RAB12: variants seen among roughly 807,000 people sequenced by gnomAD.
The protein encoded by RAB12 is RAB12, member RAS oncogene family.
A neutral mutation model predicts 28.4 loss-of-function variants in RAB12; 11 were observed. The ratio of observed to expected loss-of-function variants is 0.39; its 90% CI spans 0.24 to 0.64. The LOEUF is 0.64. Among genes scored for constraint, RAB12 ranks in the 30% least tolerant of loss-of-function variants. The pLI, the probability that RAB12 is intolerant of heterozygous loss-of-function variation, is 0.50. For synonymous variants in RAB12, 138 were observed against 145.3 expected (o/e 0.95, Z 0.36); for missense variants, 276 against 351.1 (o/e 0.79, Z 1.71).
At chr18:8,623,190 G>T (rs1225284933) in intron 1 of RAB12, among the ~76,000 whole-genome samples, 1 of 152,172 alleles carries the variant, frequency 6.6e-6, no homozygotes, top group Non-Finnish European at 1.5e-5. Context: ...GTATTGATTG[G>T]GGAAGTGATA....
At chr18:8,633,824 C>T (rs762383697) in intron 3 of RAB12, among the ~76,000 whole-genome samples, 1 of 152,100 alleles carries the variant, frequency 6.6e-6, no homozygotes, top group Non-Finnish European at 1.5e-5. Context: ...TCCTTTGGCT[C>T]GTGATGGAAT....
intron 3 of RAB12, 21 bp from the exon 4 acceptor site, chr18:8,635,512 G>T (rs1435619528): frequency 6.4e-7 from 1 of 1,573,236 alleles, no homozygotes; most frequent in African/African-American, 1.4e-5. Flanking sequence ...TTGAAATGTG[G>T]CTTCTTTTAA....
intron 2 of RAB12, among the ~76,000 whole-genome samples, chr18:8,625,959 C>T (rs1457358376): frequency 6.6e-6 from 1 of 152,232 alleles, no homozygotes; most frequent in Non-Finnish European, 1.5e-5. Context: ...GCAGCTGCAG[C>T]CAAGCCGCAG....
rs1282486521 is a variant in RAB12, at chr18:8,639,266, G to A, written c.*1004G>A. 6 of 144,222 alleles carry A rather than the reference G, an allele frequency of 4.2e-5. No homozygotes were observed. The highest frequency in any genetic ancestry group is 1.5e-4 in the African/African-American group (6 of 39,046). 8.9% of individuals were successfully genotyped at this position (144,222 alleles called of 1,614,324 possible). On this transcript the variant is annotated 3_prime_UTR_variant, in exon 6 of 6. Coordinates refer to ENST00000649141, the MANE Select transcript of RAB12 (RefSeq NM_001025300.3). ...AACTGCACTGTTTTGTTTAGTCAAG[G>A]TAATTAAGTAATTATGTATTTGAAT... is the stretch of plus-strand genomic sequence containing the variant.
intron 2 of RAB12, among the ~76,000 whole-genome samples, chr18:8,626,688 T>G (rs1207019837): frequency 6.6e-6 from 1 of 152,246 alleles, no homozygotes; most frequent in African/African-American, 2.4e-5. Context: ...TGAGATACTG[T>G]GGCTCCACGA....
chr18:8,632,416 G>A (rs888045132), intron 2 of RAB12, among the ~76,000 whole-genome samples: 2 of 152,158 alleles, frequency 1.3e-5, no homozygotes, highest in African/African-American at 4.8e-5. Context: ...AGCTTCCAGT[G>A]GCCGGACCCA....
chr18:8,626,845 G>A (rs186042780), intron 2 of RAB12, among the ~76,000 whole-genome samples: 22 of 152,304 alleles, frequency 1.4e-4, no homozygotes, highest in African/African-American at 4.1e-4. Flanking sequence ...GGCAAAGAGC[G>A]TAACTAAGGG....
chr18:8,609,928 C>T lies in RAB12; in HGVS notation c.489C>T (p.Phe163=), dbSNP rs2148704782. 1 of 1,609,016 alleles carries T rather than the reference C, an allele frequency of 6.2e-7. No individual in the cohort carries two copies. Among genetic ancestry groups the T allele is most frequent in the South Asian group, 1.1e-5 (1 of 90,472 alleles). Residue 163 remains phenylalanine, a synonymous_variant, in exon 1 of 6, where the codon TTC becomes TTT. Transcript: ENST00000649141. ...SLMERFTDDT[F]CEACKSTVGV... ...TGGAGCGCTTCACCGACGACACCTT[C>T]TGCGAGGCCTGCAAGTCCACCGTGG... is the stretch of plus-strand genomic sequence containing the variant.
chr18:8,616,353 T>C (rs527676470), intron 1 of RAB12, among the ~76,000 whole-genome samples: 1 of 150,012 alleles, frequency 6.7e-6, no homozygotes, highest in South Asian at 2.1e-4. Context: ...AGACCAAAAA[T>C]TGTGCCCTTA....
chr18:8,617,192 A>G (rs2096007158), intron 1 of RAB12, among the ~76,000 whole-genome samples: 1 of 152,234 alleles, frequency 6.6e-6, no homozygotes, highest in Admixed American at 6.5e-5. Context: ...CTGGCATAGA[A>G]AAGACAATTT....
chr18:8,624,900 T>C (rs1207895504), intron 1 of RAB12, 38 bp from the exon 2 acceptor site: 2 of 1,267,738 alleles, frequency 1.6e-6, no homozygotes, highest in South Asian at 1.2e-5. Context: ...ATTGCATCTT[T>C]GTTGTTTTTG....
At chr18:8,617,279 T>A (rs2096007220) in intron 1 of RAB12, among the ~76,000 whole-genome samples, 1 of 152,236 alleles carries the variant, frequency 6.6e-6, no homozygotes, top group Non-Finnish European at 1.5e-5. Context: ...TACCCTTTAA[T>A]GATACACACT....
intron 2 of RAB12, 85 bp from the exon 3 acceptor site, chr18:8,633,104 A>G: frequency 4.6e-6 from 7 of 1,531,846 alleles, no homozygotes; most frequent in Non-Finnish European, 6.3e-6. Flanking sequence ...GAAAAACTGC[A>G]GCATATAATC....
intron 1 of RAB12, among the ~76,000 whole-genome samples, chr18:8,620,800 A>G (rs1459165887): frequency 6.6e-6 from 1 of 152,138 alleles, no homozygotes; most frequent in Non-Finnish European, 1.5e-5. Flanking sequence ...ACGATGTGAT[A>G]TGGGCTAGAA....
At chr18:8,625,956 C>CA (rs1368040955) in intron 2 of RAB12, among the ~76,000 whole-genome samples, 2 of 152,234 alleles carry the variant, frequency 1.3e-5, no homozygotes, top group Non-Finnish European at 2.9e-5. Context: ...GCCGCAGCTG[C>CA]AGCCAAGCCG....
At chr18:8,628,049 G>A (rs1460762604) in intron 2 of RAB12, among the ~76,000 whole-genome samples, 1 of 152,130 alleles carries the variant, frequency 6.6e-6, no homozygotes, top group Non-Finnish European at 1.5e-5. Context: ...AAGGTGGCAT[G>A]CTAACTGTAG....
chr18:8,622,946 G>T (rs558860026), intron 1 of RAB12, among the ~76,000 whole-genome samples: 2 of 152,144 alleles, frequency 1.3e-5, no homozygotes, highest in Non-Finnish European at 2.9e-5. Flanking sequence ...GCTCTGTTCC[G>T]CCCGGCTCAC....
chr18:8,620,162 CTT>C (rs2096009074), intron 1 of RAB12, among the ~76,000 whole-genome samples: 2 of 15,746 alleles, frequency 1.3e-4, no homozygotes, highest in Non-Finnish European at 2.4e-4. Flanking sequence ...TTTTTTTTTG[CTT>C]CAAAAAAAAA....
chr18:8,631,805 C>T (rs2096016148), intron 2 of RAB12, among the ~76,000 whole-genome samples: 1 of 151,972 alleles, frequency 6.6e-6, no homozygotes, highest in Non-Finnish European at 1.5e-5. Flanking sequence ...TGTTGGCTAA[C>T]ATTAATCCTT....
Sources: allele counts gnomAD v4.1 joint callset (sites outside exome capture counted in the v4.1 genomes callset), GRCh38; gene constraint gnomAD v4.1.1; transcripts MANE v1.5; gene names NCBI Gene and HGNC (gene_info 2026-07-23, HGNC 2026-07-21).